Variants in PRR16 observed in about 807,000 individuals in gnomAD.
PRR16 encodes proline rich 16.
A neutral mutation model predicts 18.2 loss-of-function variants in PRR16; 6 were observed. The observed-to-expected ratio is 0.33, with a 90% CI of 0.18 to 0.65. The LOEUF (loss-of-function observed/expected upper bound fraction) is 0.65, where lower values mean the gene tolerates loss of function less well. Among genes scored for constraint, PRR16 ranks in the 30% least tolerant of loss-of-function variants. The pLI is 0.74. For missense variants in PRR16, 412 were observed against 376.6 expected (o/e 1.09, Z -0.78); for synonymous variants, 151 against 147.8 (o/e 1.02, Z -0.16).
rs557235740 is a variant in PRR16 at position 120,555,071 on chromosome 5, A to G, written c.159+90426A>G. On this transcript the variant is annotated intron_variant, in intron 1 of 1. Transcript: ENST00000407149. ...GGATTTATGTTAATAATCTCTATAC[A>G]TTCTTTCAAGAGAAACTTTTAAATA... Among the ~76,000 whole-genome samples, 5 of 152,064 alleles carry G rather than the reference A, an allele frequency of 3.3e-5. No individual in the cohort carries two copies. In the South Asian group the frequency reaches 6.2e-4, roughly 19 times the overall value.
intron 1 of PRR16, among the ~76,000 whole-genome samples, chr5:120,683,199 A>G (rs2073683015): frequency 6.6e-6 from 1 of 152,196 alleles, no homozygotes; most frequent in African/African-American, 2.4e-5. Context: ...CATATTTTTT[A>G]AAAATTTTGT....
chr5:120,782,816 A>G, the PRR16 span, among the ~76,000 whole-genome samples: 4 of 152,138 alleles, frequency 2.6e-5, no homozygotes, highest in Admixed American at 2.6e-4. Context: ...GTTAATGTAT[A>G]TAACTGTCTG....
At chr5:120,546,005 G>C (rs917748435) in intron 1 of PRR16, among the ~76,000 whole-genome samples, 1 of 152,066 alleles carries the variant, frequency 6.6e-6, no homozygotes, top group South Asian at 2.1e-4. Context: ...ACCAGCATTT[G>C]TTGAGTTCTC....
chr5:120,619,645 C>G (rs1036204485), intron 1 of PRR16, among the ~76,000 whole-genome samples: 15 of 151,960 alleles, frequency 9.9e-5, no homozygotes, highest in Admixed American at 8.5e-4. Flanking sequence ...ACTGATGAAT[C>G]TCAGGAATGC....
At chr5:120,516,672 T>G (rs1751007988) in intron 1 of PRR16, among the ~76,000 whole-genome samples, 1 of 152,166 alleles carries the variant, frequency 6.6e-6, no homozygotes, top group African/African-American at 2.4e-5. Flanking sequence ...TGTCAGGCTC[T>G]AATCAAATAA....
In PRR16 at chr5:120,674,705, A is replaced by T. The variant is rs574733448; in HGVS notation, c.160-11249A>T. On this transcript the variant is annotated intron_variant, in intron 1 of 1. Coordinates refer to ENST00000407149, the MANE Select transcript of PRR16 (RefSeq NM_001300783.2). ...TTTTTATTCTTCCATTATTTATTTT[A>T]TTATTACCATCTCACAATTTCTCTT... 5.3e-3 allele frequency among the ~76,000 whole-genome samples: 798 copies of T among 151,962 alleles called. 9 individuals are homozygous for T. The highest frequency in any genetic ancestry group is 0.018 in the African/African-American group (728 of 41,498).
intron 1 of PRR16, among the ~76,000 whole-genome samples, chr5:120,662,919 T>TTCCA (rs1319767658): frequency 6.6e-6 from 1 of 152,124 alleles, no homozygotes; most frequent in Non-Finnish European, 1.5e-5. Flanking sequence ...AGTACATGTG[T>TTCCA]TCCAGTTCAT....
At chr5:120,613,962 G>A (rs1754420063) in intron 1 of PRR16, among the ~76,000 whole-genome samples, 1 of 152,158 alleles carries the variant, frequency 6.6e-6, no homozygotes, top group Non-Finnish European at 1.5e-5. Flanking sequence ...AACTTTTAAT[G>A]TAGTCAGTTG....
chr5:120,550,989 A>T (rs148915311), intron 1 of PRR16, among the ~76,000 whole-genome samples: 418 of 151,996 alleles, frequency 2.8e-3, no homozygotes, highest in African/African-American at 9.6e-3. Context: ...GAAGTGATTC[A>T]TACAATCAAG....
At chr5:120,517,924 A>T (rs1370891998) in intron 1 of PRR16, among the ~76,000 whole-genome samples, 1 of 152,192 alleles carries the variant, frequency 6.6e-6, no homozygotes, top group Non-Finnish European at 1.5e-5. Context: ...GTAAAGTTCT[A>T]GGATTCTCTA....
At chr5:120,612,057 C>T (rs1057354520) in intron 1 of PRR16, among the ~76,000 whole-genome samples, 1 of 152,142 alleles carries the variant, frequency 6.6e-6, no homozygotes, top group East Asian at 1.9e-4. Flanking sequence ...CATTTTGGGG[C>T]TTTAAAATTT....
At chr5:120,544,583 A>G (rs1752017854) in intron 1 of PRR16, among the ~76,000 whole-genome samples, 1 of 152,140 alleles carries the variant, frequency 6.6e-6, no homozygotes, top group Non-Finnish European at 1.5e-5. Context: ...TATATATAAT[A>G]CAATTGTGTT....
chr5:120,689,599 G>A (rs529486455), downstream of PRR16, among the ~76,000 whole-genome samples: 2 of 152,192 alleles, frequency 1.3e-5, no homozygotes, highest in East Asian at 1.9e-4. Context: ...CACAGAGCCA[G>A]CCTTCATACT....
At chr5:120,679,582 T>A (rs888968476) in intron 1 of PRR16, among the ~76,000 whole-genome samples, 1 of 152,176 alleles carries the variant, frequency 6.6e-6, no homozygotes, top group African/African-American at 2.4e-5. Flanking sequence ...CTTCAGTATG[T>A]TTTCCACATA....
At chr5:120,496,545 A>G (rs906902491) in intron 1 of PRR16, among the ~76,000 whole-genome samples, 1 of 151,896 alleles carries the variant, frequency 6.6e-6, no homozygotes, top group Non-Finnish European at 1.5e-5. Context: ...CAAGACTTGT[A>G]GTGATATTCC....
chr5:120,793,751 C>T, the PRR16 span, among the ~76,000 whole-genome samples: 2 of 152,086 alleles, frequency 1.3e-5, no homozygotes, highest in South Asian at 2.1e-4. Flanking sequence ...AACAGGGATA[C>T]TTTCTGAAAA....
chr5:120,586,365 T>C (rs1753443390), intron 1 of PRR16, among the ~76,000 whole-genome samples: 1 of 152,178 alleles, frequency 6.6e-6, no homozygotes, highest in Non-Finnish European at 1.5e-5. Flanking sequence ...TAAATTATCT[T>C]CTAAAGTAAT....
At chr5:120,655,027 G>A (rs548919747) in intron 1 of PRR16, among the ~76,000 whole-genome samples, 2 of 151,794 alleles carry the variant, frequency 1.3e-5, no homozygotes, top group Non-Finnish European at 2.9e-5. Context: ...ATTCATATAT[G>A]CATTCTTTAT....
chr5:120,706,570 C>T, the PRR16 span, among the ~76,000 whole-genome samples: 1,014 of 152,262 alleles, frequency 6.7e-3, 21 homozygotes, highest in African/African-American at 0.023. Flanking sequence ...TTTCAGGGAT[C>T]TCCATTCAGA....
Sources: allele counts gnomAD v4.1 joint callset (sites outside exome capture counted in the v4.1 genomes callset), GRCh38; gene constraint gnomAD v4.1.1; transcripts MANE v1.5; gene names NCBI Gene and HGNC (gene_info 2026-07-23, HGNC 2026-07-21).